UBA2: variants seen among roughly 807,000 people sequenced by gnomAD.
The protein encoded by UBA2 is ubiquitin like modifier activating enzyme 2.
UBA2 carries 11 observed loss-of-function variants against 77.2 expected under a neutral mutation model. That is an observed-to-expected ratio of 0.14 (90% CI 0.09 to 0.24). The LOEUF is 0.24. Among genes scored for constraint, UBA2 ranks in the 10% least tolerant of loss-of-function variants. The pLI, the probability that UBA2 is intolerant of heterozygous loss-of-function variation, is 1.00. For missense variants in UBA2, 487 were observed against 781.7 expected (o/e 0.62, Z 4.50); for synonymous variants, 278 against 276.7 (o/e 1.00, Z -0.05).
At position 34,431,924 on chromosome 19, in the gene UBA2, A is replaced by G; in HGVS notation, c.286A>G (p.Ile96Val). Residue 96 changes from isoleucine (I) to valine (V), a missense_variant, in exon 3 of 17, where the codon ATC becomes GTC. Ile to Val is a conservative substitution (Grantham distance 29). Coordinates refer to ENST00000246548, the MANE Select transcript of UBA2 (RefSeq NM_005499.3). Reference protein sequence around the residue: ...KANIVAYHDSIMNPDYNVEFF... With the variant: ...KANIVAYHDSVMNPDYNVEFF... ...TAATATCGTTGCCTACCATGACAGCATCATGAAGTATGCTATAGTGATTAC... is the reference window on the plus strand; with the variant it reads ...TAATATCGTTGCCTACCATGACAGCGTCATGAAGTATGCTATAGTGATTAC... 6.2e-7 allele frequency: 1 copy of G among 1,609,468 alleles called. No individual in the cohort carries two copies.
Position 34,452,120 on chromosome 19 carries a change from G to A in UBA2, c.1011G>A (p.Gly337=), listed in dbSNP as rs762720345. The A allele has an allele frequency of 1.9e-6, 3 of 1,608,518 alleles. No individual in the cohort carries two copies. The highest frequency in any genetic ancestry group is 2.6e-6 in the Non-Finnish European group (3 of 1,176,156). The change falls in exon 10 of 17, where the codon GGG becomes GGA. Residue 337 remains glycine, a synonymous_variant. Transcript: ENST00000246548. The part of the protein sequence containing the change: ...ETLRVHLAEK[G]DGAELIWDKD... Reference sequence around the variant, plus strand: ...TGAGAGTTCATTTAGCAGAAAAGGGGGATGGAGCTGAGCTCATATGGGATA... The same window carrying A: ...TGAGAGTTCATTTAGCAGAAAAGGGAGATGGAGCTGAGCTCATATGGGATA...
intron 5 of UBA2, among the ~76,000 whole-genome samples, chr19:34,437,354 AATCCC>A (rs1411040395): frequency 6.6e-6 from 1 of 150,414 alleles, no homozygotes; most frequent in Non-Finnish European, 1.5e-5. Context: ...TTACGCCTGT[AATCCC>A]AGCACTTTGG....
intron 14 of UBA2, among the ~76,000 whole-genome samples, chr19:34,462,794 C>G (rs1297522871): frequency 6.6e-6 from 1 of 152,032 alleles, no homozygotes; most frequent in Non-Finnish European, 1.5e-5. Context: ...GGCAAAACCT[C>G]ATCTCTTGTA....
At chr19:34,465,592 C>T (rs896273707) in intron 15 of UBA2, among the ~76,000 whole-genome samples, 2 of 146,260 alleles carry the variant, frequency 1.4e-5, no homozygotes, top group Non-Finnish European at 3.0e-5. Context: ...GCCGAGATTG[C>T]GCCATTGCAC....
At chr19:34,450,606 T>G (rs2075482409) in intron 9 of UBA2, among the ~76,000 whole-genome samples, 1 of 152,168 alleles carries the variant, frequency 6.6e-6, no homozygotes, top group African/African-American at 2.4e-5. Context: ...ATACACTGCG[T>G]AAATGGAATC....
chr19:34,454,339 G>C lies in UBA2; in HGVS notation c.1118G>C (p.Arg373Thr), dbSNP rs1255024074. 1 of 1,610,570 alleles carries C rather than the reference G, an allele frequency of 6.2e-7. No homozygotes were observed. Among genetic ancestry groups the C allele is most frequent in the Non-Finnish European group, 8.5e-7 (1 of 1,178,828 alleles). The change falls in exon 11 of 17, where the codon AGA (arginine) becomes ACA (threonine). Residue 373 changes from arginine (R) to threonine (T), a missense_variant. This residue lies in a region of UBA2 where 300 missense variants were observed against 454.3 expected (regional missense o/e 0.66). Transcript: ENST00000246548. ...ATTTTCAGTATGAATATGAAGAGTA[G>C]ATTTGATATCAAATGTAAGTTATTT... ...MHIFSMNMKS[R>T]FDIKSMAGNI...
intron 3 of UBA2, among the ~76,000 whole-genome samples, chr19:34,432,822 A>C (rs995279135): frequency 6.6e-6 from 1 of 152,098 alleles, no homozygotes; most frequent in Non-Finnish European, 1.5e-5. Flanking sequence ...CCCAAAGTGC[A>C]GGGATTACAG....
intron 6 of UBA2, among the ~76,000 whole-genome samples, chr19:34,443,131 C>T (rs540618992): frequency 7.2e-5 from 11 of 152,310 alleles, no homozygotes; most frequent in African/African-American, 2.2e-4. Flanking sequence ...TTGTTCATTG[C>T]TGAATTTCTA....
intron 3 of UBA2, 160 bp from the exon 4 acceptor site, chr19:34,433,188 T>C (rs1265959294): frequency 1.9e-6 from 1 of 536,904 alleles, no homozygotes; most frequent in Non-Finnish European, 3.3e-6. Context: ...AAAATCTGCT[T>C]ATGTTTGGAA....
At chr19:34,435,269 G>C (rs2075296538) in intron 5 of UBA2, among the ~76,000 whole-genome samples, 1 of 152,074 alleles carries the variant, frequency 6.6e-6, no homozygotes, top group South Asian at 2.1e-4. Flanking sequence ...ATGGTGGCCG[G>C]CGCCTGTAAT....
At chr19:34,431,268 T>A (rs1350762514) in intron 2 of UBA2, among the ~76,000 whole-genome samples, 1 of 139,756 alleles carries the variant, frequency 7.2e-6, no homozygotes, top group Admixed American at 7.2e-5. Flanking sequence ...TTTTTTTTTT[T>A]AGAGATAGGG....
At chr19:34,467,465 C>T (rs1373487268) in intron 16 of UBA2, among the ~76,000 whole-genome samples, 2 of 110,150 alleles carry the variant, frequency 1.8e-5, no homozygotes, top group Non-Finnish European at 4.0e-5. Context: ...GACCATGTCT[C>T]AAAAAAAAAA....
chr19:34,451,997 A>G lies in UBA2; in HGVS notation c.888A>G (p.Ala296=). 6.4e-7 allele frequency: 1 copy of G among 1,574,650 alleles called. No individual in the cohort carries two copies. Among genetic ancestry groups the G allele is most frequent in the Non-Finnish European group, 8.6e-7 (1 of 1,159,748 alleles). The change falls in exon 10 of 17, where the codon GCA becomes GCG. Residue 296 remains alanine, a synonymous_variant. Transcript: ENST00000246548. ...TTTCTTTAGGAGAAGAAACGAATGC[A>G]TCAGATCAACAGAATGAACCCCAGT... ...EVQSQGEETN[A]SDQQNEPQLG...
chr19:34,430,236 T>G, intron 1 of UBA2: 1 of 184,396 alleles, frequency 5.4e-6, no homozygotes. Context: ...ATATTTTCAG[T>G]TAGTGTTTAC....
intron 9 of UBA2, among the ~76,000 whole-genome samples, chr19:34,451,467 C>T (rs1474269662): frequency 6.8e-6 from 1 of 147,960 alleles, no homozygotes; most frequent in Non-Finnish European, 1.5e-5. Context: ...TACATTATAT[C>T]TTCAAATCTC....
chr19:34,465,423 G>T (rs532798607), intron 15 of UBA2, among the ~76,000 whole-genome samples: 1 of 152,138 alleles, frequency 6.6e-6, no homozygotes, highest in East Asian at 1.9e-4. Context: ...TGGATCACGA[G>T]GTCAGGAGTT....
chr19:34,443,321 G>A (rs1378006315), intron 6 of UBA2, among the ~76,000 whole-genome samples: 2 of 152,204 alleles, frequency 1.3e-5, no homozygotes, highest in African/African-American at 4.8e-5. Context: ...CTCGCTGATA[G>A]GAATGGATGT....
chr19:34,437,205 G>C (rs1050726520), intron 5 of UBA2, among the ~76,000 whole-genome samples: 5 of 151,018 alleles, frequency 3.3e-5, no homozygotes, highest in African/African-American at 1.2e-4. Flanking sequence ...CAGGTGATCC[G>C]CCTGCCTTGG....
intron 15 of UBA2, among the ~76,000 whole-genome samples, chr19:34,464,466 G>A (rs2075666407): frequency 6.6e-6 from 1 of 151,884 alleles, no homozygotes; most frequent in Non-Finnish European, 1.5e-5. Flanking sequence ...GCTAAGGTAG[G>A]AGAATCCCTT....
Sources: allele counts gnomAD v4.1 joint callset (sites outside exome capture counted in the v4.1 genomes callset), GRCh38; gene constraint gnomAD v4.1.1; regional missense constraint gnomAD v4.1.1; transcripts MANE v1.5; gene names NCBI Gene and HGNC (gene_info 2026-07-23, HGNC 2026-07-21).